Variants in SLC25A21 observed in about 807,000 individuals in gnomAD.
The protein encoded by SLC25A21 is mitochondrial 2-oxodicarboxylate carrier.
A neutral mutation model predicts 43.8 loss-of-function variants in SLC25A21; 47 were observed. The observed-to-expected ratio is 1.07, with a 90% confidence interval of 0.85 to 1.37. The LOEUF is 1.37. SLC25A21 is among the 40% of genes most tolerant of loss of function. The pLI is 0.00. For synonymous variants in SLC25A21, 131 were observed against 121.3 expected (o/e 1.08, Z -0.52); for missense variants, 352 against 350.2 (o/e 1.00, Z -0.04).
intron 3 of SLC25A21, among the ~76,000 whole-genome samples, chr14:36,795,249 G>A (rs888668186): frequency 1.3e-5 from 2 of 152,134 alleles, no homozygotes; most frequent in Admixed American, 6.6e-5. Flanking sequence ...TTTTAACTTC[G>A]TTATTAAGGT....
chr14:36,848,096 GT>G (rs1405131946), intron 2 of SLC25A21, among the ~76,000 whole-genome samples: 2 of 152,102 alleles, frequency 1.3e-5, no homozygotes, highest in Non-Finnish European at 2.9e-5. Flanking sequence ...AGAGAACCAG[GT>G]GGAGAAAAAC....
intron 9 of SLC25A21, among the ~76,000 whole-genome samples, chr14:36,682,456 C>T (rs1015461049): frequency 1.3e-5 from 2 of 152,170 alleles, no homozygotes; most frequent in Admixed American, 6.5e-5. Flanking sequence ...GCCAGCCAAA[C>T]ATTTGCAAGC....
chr14:36,919,619 CTACCTATCTAT>C (rs1891923242), intron 1 of SLC25A21, among the ~76,000 whole-genome samples: 3 of 21,672 alleles, frequency 1.4e-4, no homozygotes, highest in African/African-American at 5.2e-4. Context: ...GATTATCTAT[CTACCTATCTAT>C]CTATCTATCT....
chr14:37,147,313 C>T (rs1225899544), intron 1 of SLC25A21, among the ~76,000 whole-genome samples: 1 of 152,178 alleles, frequency 6.6e-6, no homozygotes, highest in East Asian at 1.9e-4. Flanking sequence ...TTTATATCTG[C>T]CCATATTTGA....
At chr14:36,823,005 A>G (rs1324548642) in intron 2 of SLC25A21, among the ~76,000 whole-genome samples, 2 of 152,186 alleles carry the variant, frequency 1.3e-5, no homozygotes, top group Non-Finnish European at 2.9e-5. Flanking sequence ...TACAAGACAT[A>G]TGGTATTTCT....
At chr14:37,098,058 T>C (rs1367818049) in intron 1 of SLC25A21, 1 of 152,130 alleles carries the variant, frequency 6.6e-6, no homozygotes, top group Non-Finnish European at 1.5e-5. Flanking sequence ...CCAAATAAAA[T>C]CTTTTTTAAA....
intron 1 of SLC25A21, among the ~76,000 whole-genome samples, chr14:36,987,551 T>C (rs1184423249): frequency 3.3e-5 from 5 of 152,206 alleles, no homozygotes; most frequent in East Asian, 1.9e-4. Flanking sequence ...TACAGTTCTG[T>C]ATCATTTTTT....
intron 1 of SLC25A21, among the ~76,000 whole-genome samples, chr14:36,955,224 T>C (rs1757154742): frequency 6.6e-6 from 1 of 152,166 alleles, no homozygotes; most frequent in Admixed American, 6.6e-5. Flanking sequence ...ACTTGAATGG[T>C]ATAATCATCA....
At chr14:37,139,439 T>C (rs1005024642) in intron 1 of SLC25A21, among the ~76,000 whole-genome samples, 2 of 152,152 alleles carry the variant, frequency 1.3e-5, no homozygotes, top group Non-Finnish European at 2.9e-5. Flanking sequence ...TGCATAACAA[T>C]GCTTATATTT....
chr14:36,951,653 A>G, intron 1 of SLC25A21, among the ~76,000 whole-genome samples: 1 of 152,202 alleles, frequency 6.6e-6, no homozygotes, highest in East Asian at 1.9e-4. Context: ...AAATAATAGT[A>G]CTAAAGCAAT....
chr14:37,056,229 G>A (rs1454125927), intron 1 of SLC25A21, among the ~76,000 whole-genome samples: 7 of 152,030 alleles, frequency 4.6e-5, no homozygotes, highest in Non-Finnish European at 5.9e-5. Context: ...TGTGGCTCAC[G>A]CCTGTAATCC....
At chr14:36,728,488 C>G (rs896758631) in intron 5 of SLC25A21, among the ~76,000 whole-genome samples, 9 of 152,160 alleles carry the variant, frequency 5.9e-5, no homozygotes, top group African/African-American at 2.2e-4. Context: ...AGGAAAAAAT[C>G]CCAGCTAGTT....
chr14:37,065,058 T>C (rs1962032527), intron 1 of SLC25A21, among the ~76,000 whole-genome samples: 1 of 152,042 alleles, frequency 6.6e-6, no homozygotes, highest in Non-Finnish European at 1.5e-5. Context: ...AAACAAACCA[T>C]ACAATGAAGT....
intron 1 of SLC25A21, among the ~76,000 whole-genome samples, chr14:37,025,981 T>C (rs550351135): frequency 6.6e-6 from 1 of 152,212 alleles, no homozygotes; most frequent in East Asian, 1.9e-4. Context: ...TTATTTACAC[T>C]TTACGATGGG....
Position 37,172,269 on chromosome 14 carries a change from G to C in SLC25A21, c.70+12C>G. On this transcript the variant is annotated intron_variant, in intron 1 of 9. Transcript: ENST00000331299. ...GACTAGCCTCCGGCGGGGCAGGGCGGGCTGTCCTTACCTGCAGAACCACCG... is the reference window on the plus strand; with the variant it reads ...GACTAGCCTCCGGCGGGGCAGGGCGCGCTGTCCTTACCTGCAGAACCACCG... The C allele has an allele frequency of 6.3e-7, 1 of 1,586,444 alleles. No homozygotes were observed. Among genetic ancestry groups the C allele is most frequent in the Non-Finnish European group, 8.6e-7 (1 of 1,166,346 alleles).
At chr14:36,746,498 T>A (rs757365573) in intron 3 of SLC25A21, among the ~76,000 whole-genome samples, 1 of 152,144 alleles carries the variant, frequency 6.6e-6, no homozygotes, top group African/African-American at 2.4e-5. Flanking sequence ...CTACTGGGTA[T>A]AATGTACATT....
At chr14:36,783,386 C>G (rs1887141906) in intron 3 of SLC25A21, among the ~76,000 whole-genome samples, 1 of 152,088 alleles carries the variant, frequency 6.6e-6, no homozygotes, top group Non-Finnish European at 1.5e-5. Flanking sequence ...CAGTTAGTAC[C>G]ATGCATGGCC....
At chr14:36,974,223 G>A (rs1317789164) in intron 1 of SLC25A21, among the ~76,000 whole-genome samples, 1 of 152,156 alleles carries the variant, frequency 6.6e-6, no homozygotes, top group African/African-American at 2.4e-5. Context: ...CCAACTTCTA[G>A]AATGACTTAG....
chr14:36,794,072 CA>C (rs1358625550), intron 3 of SLC25A21, among the ~76,000 whole-genome samples: 1 of 151,796 alleles, frequency 6.6e-6, no homozygotes, highest in East Asian at 1.9e-4. Context: ...ACATAGTTAA[CA>C]GAGATGAATT....
Sources: gnomAD v4.1 joint callset for allele counts (sites outside exome capture counted in the v4.1 genomes callset) on GRCh38, gnomAD v4.1.1 for gene constraint, MANE v1.5 for transcripts, NCBI Gene and HGNC (gene_info 2026-07-23, HGNC 2026-07-21) for gene names.